Variants in IGF2BP3 observed in about 807,000 individuals in gnomAD.
IGF2BP3 encodes the protein insulin like growth factor 2 mRNA binding protein 3.
A neutral mutation model predicts 73.8 loss-of-function variants in IGF2BP3; 9 were observed. The observed-to-expected ratio is 0.12, with a 90% CI of 0.07 to 0.21. The LOEUF (loss-of-function observed/expected upper bound fraction) is 0.21. Among genes scored for constraint, IGF2BP3 ranks in the 10% least tolerant of loss-of-function variants. The pLI is 1.00. For missense variants in IGF2BP3, 542 were observed against 714.0 expected (o/e 0.76, Z 2.75); for synonymous variants, 258 against 256.7 (o/e 1.01, Z -0.05).
intron 2 of IGF2BP3, among the ~76,000 whole-genome samples, chr7:23,430,558 G>T (rs896970088): frequency 1.3e-5 from 2 of 152,302 alleles, no homozygotes; most frequent in East Asian, 3.9e-4. Flanking sequence ...GTCCAAAGAG[G>T]ACTTCATTCA....
At chr7:23,368,594 G>C (rs984451776) in intron 3 of IGF2BP3, among the ~76,000 whole-genome samples, 16 of 152,004 alleles carry the variant, frequency 1.1e-4, no homozygotes, top group African/African-American at 3.6e-4. Flanking sequence ...GGTGATGGTT[G>C]CACGTATCTA....
At chr7:23,346,669 T>C (rs1784835637) in intron 7 of IGF2BP3, among the ~76,000 whole-genome samples, 1 of 151,716 alleles carries the variant, frequency 6.6e-6, no homozygotes, top group Non-Finnish European at 1.5e-5. Context: ...CTCGGCTCAC[T>C]GCAACCTCCG....
intron 10 of IGF2BP3, among the ~76,000 whole-genome samples, chr7:23,332,349 AT>A (rs1346456659): frequency 2.0e-5 from 3 of 152,208 alleles, no homozygotes; most frequent in Non-Finnish European, 4.4e-5. Context: ...GATGTACTAA[AT>A]TTGTACCATA....
At chr7:23,390,861 T>C (rs1355326138) in intron 3 of IGF2BP3, among the ~76,000 whole-genome samples, 1 of 149,276 alleles carries the variant, frequency 6.7e-6, no homozygotes. Context: ...TGCAGTGGCA[T>C]GATCTCGGCT....
At chr7:23,456,045 A>C (rs1024524451) in intron 2 of IGF2BP3, among the ~76,000 whole-genome samples, 2 of 152,208 alleles carry the variant, frequency 1.3e-5, no homozygotes, top group African/African-American at 4.8e-5. Context: ...GAGCACAGGC[A>C]CTTAATCTAT....
intron 10 of IGF2BP3, among the ~76,000 whole-genome samples, chr7:23,335,920 A>G (rs939807149): frequency 6.6e-6 from 1 of 152,218 alleles, no homozygotes; most frequent in African/African-American, 2.4e-5. Flanking sequence ...TAAGTACTGT[A>G]CGAGCCAGCT....
At position 23,417,287 on chromosome 7, in the gene IGF2BP3, T is replaced by C. The variant is rs371920122; in HGVS notation, c.285+1489A>G. Among the ~76,000 whole-genome samples the C allele has an allele frequency of 5.5e-4, 84 of 152,326 alleles. No homozygotes were observed. In the East Asian group the frequency reaches 0.011, roughly 21 times the overall value. Reference sequence around the variant, plus strand: ...AAGTCTAGTTCCAAGCATCTTACGATTCAGTATGTGCTCTTGCTTAATTAA... The same window carrying C: ...AAGTCTAGTTCCAAGCATCTTACGACTCAGTATGTGCTCTTGCTTAATTAA... On this transcript the variant is annotated intron_variant, in intron 3 of 14. Transcript: ENST00000258729.
chr7:23,389,317 C>T (rs1786194657), intron 3 of IGF2BP3, among the ~76,000 whole-genome samples: 2 of 152,024 alleles, frequency 1.3e-5, no homozygotes, highest in African/African-American at 4.8e-5. Flanking sequence ...CACGCCACTA[C>T]ACCCGCCTAA....
chr7:23,326,213 T>C (rs1269141711), intron 10 of IGF2BP3, among the ~76,000 whole-genome samples: 1 of 151,900 alleles, frequency 6.6e-6, no homozygotes, highest in African/African-American at 2.4e-5. Context: ...CTCAAACAAA[T>C]TTACAGGAAA....
chr7:23,454,617 A>G (rs1359004465), intron 2 of IGF2BP3, among the ~76,000 whole-genome samples: 1 of 152,200 alleles, frequency 6.6e-6, no homozygotes, highest in Non-Finnish European at 1.5e-5. Context: ...TACAGATTTT[A>G]AAAACAGAAA....
At chr7:23,409,866 T>C (rs1051458756) in intron 3 of IGF2BP3, among the ~76,000 whole-genome samples, 2 of 152,166 alleles carry the variant, frequency 1.3e-5, no homozygotes, top group African/African-American at 4.8e-5. Flanking sequence ...ACACTGAACT[T>C]CATTAAAATT....
rs147765222 is a variant in IGF2BP3 at position 23,436,573 on chromosome 7, G to T, written c.237-17749C>A. Among the ~76,000 whole-genome samples the T allele has an allele frequency of 1.3e-3, 195 of 152,190 alleles. 1 individual carries two copies. The highest frequency in any genetic ancestry group is 2.4e-3 in the Admixed American group (37 of 15,278). On this transcript the variant is annotated intron_variant, in intron 2 of 14. Coordinates refer to ENST00000258729, the MANE Select transcript of IGF2BP3 (RefSeq NM_006547.3). ...AAATTCCATTAAAATCAAACTCTGG[G>T]CTTGTTAGTACCCAGAAGAAGGAAT...
At chr7:23,380,964 C>T (rs1250628170) in intron 3 of IGF2BP3, among the ~76,000 whole-genome samples, 2 of 152,206 alleles carry the variant, frequency 1.3e-5, no homozygotes. Flanking sequence ...ACACCTCTCT[C>T]CCATCTTCCA....
At chr7:23,449,288 C>T (rs533613730) in intron 2 of IGF2BP3, among the ~76,000 whole-genome samples, 1 of 151,812 alleles carries the variant, frequency 6.6e-6, no homozygotes, top group Non-Finnish European at 1.5e-5. Flanking sequence ...GAGACCGAGG[C>T]GGGCAGATCA....
chr7:23,417,948 C>T (rs1477395840), intron 3 of IGF2BP3, among the ~76,000 whole-genome samples: 1 of 152,206 alleles, frequency 6.6e-6, no homozygotes, highest in Non-Finnish European at 1.5e-5. Flanking sequence ...CAGCACAAAT[C>T]ACCTGTGACC....
At chr7:23,399,779 C>G (rs1420639320) in intron 3 of IGF2BP3, among the ~76,000 whole-genome samples, 1 of 152,190 alleles carries the variant, frequency 6.6e-6, no homozygotes, top group East Asian at 1.9e-4. Context: ...ATCAGTAAAA[C>G]AAAAGCAGAA....
chr7:23,445,462 T>C (rs1788037039), intron 2 of IGF2BP3, among the ~76,000 whole-genome samples: 1 of 152,068 alleles, frequency 6.6e-6, no homozygotes, highest in South Asian at 2.1e-4. Context: ...AAGTATTACT[T>C]AGTTCCTACG....
intron 5 of IGF2BP3, among the ~76,000 whole-genome samples, chr7:23,357,894 A>C (rs1261849931): frequency 2.0e-5 from 3 of 151,514 alleles, no homozygotes; most frequent in Non-Finnish European, 4.4e-5. Flanking sequence ...AGCTTTAACT[A>C]ACAGAGGCAG....
intron 3 of IGF2BP3, among the ~76,000 whole-genome samples, chr7:23,416,408 A>G (rs767988971): frequency 8.5e-5 from 13 of 152,134 alleles, no homozygotes; most frequent in African/African-American, 1.2e-4. Flanking sequence ...CTAGCAAAAC[A>G]GGATGTCCTG....
Sources: allele counts gnomAD v4.1 joint callset (sites outside exome capture counted in the v4.1 genomes callset), GRCh38; gene constraint gnomAD v4.1.1; transcripts MANE v1.5; gene names NCBI Gene and HGNC (gene_info 2026-07-23, HGNC 2026-07-21).